Variants in CHD7 observed in about 807,000 individuals in gnomAD.
CHD7 encodes the protein ATP-dependent chromatin remodeler CHD7.
A neutral mutation model predicts 307.3 loss-of-function variants in CHD7; 24 were observed. The observed-to-expected ratio is 0.08, with a 90% CI of 0.06 to 0.11. The LOEUF is 0.11. CHD7 is among the 10% of genes least tolerant of loss of function. The pLI is 1.00. For missense variants in CHD7, 3,106 were observed against 3,727.1 expected (o/e 0.83, Z 4.34); for synonymous variants, 1,363 against 1,349.9 (o/e 1.01, Z -0.21).
At chr8:60,774,423 T>A (rs1358732447) in intron 2 of CHD7, among the ~76,000 whole-genome samples, 1 of 152,224 alleles carries the variant, frequency 6.6e-6, no homozygotes, top group Non-Finnish European at 1.5e-5. Context: ...AAACATTCAG[T>A]ACAGTGTTGC....
intron 7 of CHD7, among the ~76,000 whole-genome samples, chr8:60,814,607 T>C (rs1803643090): frequency 6.6e-6 from 1 of 152,144 alleles, no homozygotes; most frequent in Admixed American, 6.5e-5. Context: ...CACCACGGCC[T>C]AGCTGATTTT....
intron 12 of CHD7, among the ~76,000 whole-genome samples, chr8:60,823,398 G>T (rs575293300): frequency 0.047 from 1,103 of 23,624 alleles, 12 homozygotes; most frequent in African/African-American, 0.18. Flanking sequence ...GCTATATATA[G>T]ATAGATAGAT....
intron 37 of CHD7, chr8:60,864,095 T>C (rs1284723393): frequency 6.6e-6 from 1 of 151,668 alleles, no homozygotes; most frequent in African/African-American, 2.4e-5. Flanking sequence ...CAAATATATA[T>C]GCAAGGTGTA....
At chr8:60,704,688 A>G (rs956983624) in intron 1 of CHD7, among the ~76,000 whole-genome samples, 2 of 151,804 alleles carry the variant, frequency 1.3e-5, no homozygotes, top group Non-Finnish European at 2.9e-5. Context: ...TAGCAGGTAA[A>G]ATAAAAAAGA....
intron 17 of CHD7, among the ~76,000 whole-genome samples, chr8:60,837,240 G>A (rs1402454822): frequency 6.6e-6 from 1 of 152,166 alleles, no homozygotes; most frequent in African/African-American, 2.4e-5. Context: ...CACATAGATA[G>A]GGTCTTAGAA....
Position 60,830,305 on chromosome 8 carries a change from T to TTAA in CHD7, c.3523-16_3523-14dup, listed in dbSNP as rs762546298. The TTAA allele has an allele frequency of 6.2e-7, 1 of 1,606,770 alleles. No homozygotes were observed. Among genetic ancestry groups the TTAA allele is most frequent in the South Asian group, 1.1e-5 (1 of 89,664 alleles). ...AGCAAATCATGACACTAGTATTTAC[T>TTAA]TAAGGTCCTTTTTTAGGTGCAAAAA... On this transcript the variant is annotated splice_polypyrimidine_tract_variant and intron_variant, in intron 14 of 37. Coordinates refer to ENST00000423902, the MANE Select transcript of CHD7 (RefSeq NM_017780.4).
intron 1 of CHD7, among the ~76,000 whole-genome samples, chr8:60,681,105 C>T (rs1005691037): frequency 1.3e-5 from 2 of 152,070 alleles, no homozygotes; most frequent in African/African-American, 4.8e-5. Flanking sequence ...AAACAAAATA[C>T]GTGTCTTTAT....
chr8:60,828,986 A>C (rs1209461245), intron 14 of CHD7, among the ~76,000 whole-genome samples, 180 bp downstream of exon 14: 1 of 151,880 alleles, frequency 6.6e-6, no homozygotes, highest in East Asian at 1.9e-4. Context: ...TTTCTTCTTT[A>C]TTTGTTTGTC....
chr8:60,830,468 G>A lies in CHD7; in HGVS notation c.3669G>A (p.Glu1223=). The A allele has an allele frequency of 3.1e-6, 5 of 1,614,002 alleles. No individual in the cohort carries two copies. The highest frequency in any genetic ancestry group is 4.2e-6 in the Non-Finnish European group (5 of 1,179,872). ...AGAAATATTACCGAGCCATCCTTGAGAAGAATTTCACATTTCTTTCCAAAG... is the reference window on the plus strand; with the variant it reads ...AGAAATATTACCGAGCCATCCTTGAAAAGAATTTCACATTTCTTTCCAAAG... ...IQKKYYRAIL[E]KNFTFLSKGG... The change falls in exon 15 of 38, where the codon GAG becomes GAA. Residue 1223 remains glutamate (E), a synonymous_variant. Coordinates refer to ENST00000423902, the MANE Select transcript of CHD7 (RefSeq NM_017780.4).
intron 1 of CHD7, among the ~76,000 whole-genome samples, chr8:60,693,005 C>T (rs531519218): frequency 7.8e-4 from 118 of 152,230 alleles, no homozygotes; most frequent in Admixed American, 2.0e-3. Context: ...CCTGCAAAAG[C>T]ATGAAACAAA....
intron 2 of CHD7, among the ~76,000 whole-genome samples, chr8:60,768,500 G>A (rs997933880): frequency 3.9e-5 from 6 of 152,222 alleles, no homozygotes; most frequent in South Asian, 2.1e-4. Flanking sequence ...ACCATGGGCT[G>A]CCCAGTGTTA....
intron 1 of CHD7, among the ~76,000 whole-genome samples, chr8:60,732,971 A>G (rs557571235): frequency 1.2e-3 from 182 of 152,260 alleles, no homozygotes; most frequent in Non-Finnish European, 1.9e-3. Flanking sequence ...GCAGTGGCTC[A>G]TACCTGTAAC....
chr8:60,775,300 T>C (rs1162505683), intron 2 of CHD7, among the ~76,000 whole-genome samples: 1 of 152,286 alleles, frequency 6.6e-6, no homozygotes, highest in East Asian at 1.9e-4. Context: ...TGTAATTATC[T>C]TGACATATAG....
intron 1 of CHD7, among the ~76,000 whole-genome samples, chr8:60,680,711 C>G (rs1272786165): frequency 6.6e-6 from 1 of 152,172 alleles, no homozygotes; most frequent in Non-Finnish European, 1.5e-5. Context: ...TTTTTTCCCC[C>G]TCTTCTGAAC....
chr8:60,835,243 T>A (rs972656746), intron 15 of CHD7, among the ~76,000 whole-genome samples: 4 of 152,172 alleles, frequency 2.6e-5, no homozygotes, highest in African/African-American at 9.6e-5. Flanking sequence ...CAGGCAGGGA[T>A]GTCATGGGCC....
chr8:60,788,050 A>T (rs1030372866), intron 3 of CHD7, among the ~76,000 whole-genome samples: 1 of 151,222 alleles, frequency 6.6e-6, no homozygotes, highest in African/African-American at 2.4e-5. Flanking sequence ...TCAAACGCCT[A>T]TCCTCAAGTG....
chr8:60,722,892 T>C (rs532695070), intron 1 of CHD7, among the ~76,000 whole-genome samples: 39 of 152,346 alleles, frequency 2.6e-4, no homozygotes, highest in Non-Finnish European at 4.4e-4. Flanking sequence ...ATCAAAACTC[T>C]ACAAGGGGTA....
At chr8:60,705,353 T>G (rs1009446472) in intron 1 of CHD7, among the ~76,000 whole-genome samples, 1 of 152,242 alleles carries the variant, frequency 6.6e-6, no homozygotes, top group Non-Finnish European at 1.5e-5. Flanking sequence ...TATGTCTTGC[T>G]TCTTTAACCA....
At chr8:60,788,729 C>T (rs1479817696) in intron 3 of CHD7, among the ~76,000 whole-genome samples, 2 of 152,120 alleles carry the variant, frequency 1.3e-5, no homozygotes, top group Admixed American at 6.5e-5. Flanking sequence ...CTGGGCAGCG[C>T]ACTGAGCACT....
Sources: allele counts gnomAD v4.1 joint callset (sites outside exome capture counted in the v4.1 genomes callset), GRCh38; gene constraint gnomAD v4.1.1; transcripts MANE v1.5; gene names NCBI Gene and HGNC (gene_info 2026-07-23, HGNC 2026-07-21).